CAMTA1: variants seen among roughly 807,000 people sequenced by gnomAD.
CAMTA1 encodes calmodulin binding transcription activator 1, also known as calmodulin-binding transcription activator 1.
CAMTA1 carries 27 observed loss-of-function variants against 170.9 expected under a neutral mutation model. That is an observed-to-expected ratio of 0.16 (90% CI 0.12 to 0.22). The LOEUF (loss-of-function observed/expected upper bound fraction) is 0.22. CAMTA1 is among the 10% of genes least tolerant of loss of function. CAMTA1 has a pLI of 1.00. For missense variants in CAMTA1, 1,619 were observed against 2,217.2 expected (o/e 0.73, Z 5.42); for synonymous variants, 833 against 891.5 (o/e 0.93, Z 1.17).
intron 6 of CAMTA1, among the ~76,000 whole-genome samples, chr1:7,523,758 C>A (rs1316811220): frequency 6.6e-6 from 1 of 152,034 alleles, no homozygotes; most frequent in Non-Finnish European, 1.5e-5. Flanking sequence ...TAGTGGGCAC[C>A]TGTAGTCCCA....
intron 3 of CAMTA1, among the ~76,000 whole-genome samples, chr1:6,979,222 A>G (rs1329585491): frequency 6.6e-6 from 1 of 152,098 alleles, no homozygotes; most frequent in Non-Finnish European, 1.5e-5. Context: ...GCCCCCTTGG[A>G]GGAAGTTTCC....
intron 6 of CAMTA1, among the ~76,000 whole-genome samples, chr1:7,509,456 C>A (rs1264438256): frequency 6.6e-6 from 1 of 152,160 alleles, no homozygotes; most frequent in Non-Finnish European, 1.5e-5. Context: ...ACCCAGCAGG[C>A]TTTATAGTCC....
At chr1:7,422,953 T>A (rs2091658893) in intron 5 of CAMTA1, among the ~76,000 whole-genome samples, 3 of 152,266 alleles carry the variant, frequency 2.0e-5, no homozygotes, top group African/African-American at 4.8e-5. Context: ...CAGGTTGCCC[T>A]GCAAGATGCA....
intron 5 of CAMTA1, among the ~76,000 whole-genome samples, chr1:7,362,681 G>A (rs1267658687): frequency 1.3e-5 from 2 of 151,954 alleles, no homozygotes; most frequent in East Asian, 1.9e-4. Flanking sequence ...TGGTGGACTC[G>A]AATAGAGTTG....
At chr1:6,938,476 C>T (rs1320218294) in intron 3 of CAMTA1, among the ~76,000 whole-genome samples, 1 of 152,124 alleles carries the variant, frequency 6.6e-6, no homozygotes, top group Non-Finnish European at 1.5e-5. Flanking sequence ...GGGGCCACGG[C>T]AGCAGGGGAG....
chr1:7,667,723 C>T (rs1013683943), intron 9 of CAMTA1, among the ~76,000 whole-genome samples: 5 of 152,190 alleles, frequency 3.3e-5, no homozygotes, highest in African/African-American at 1.2e-4. Flanking sequence ...ACGAGGGCGG[C>T]CCAGGAACAG....
chr1:7,169,869 C>A (rs1257352255), intron 4 of CAMTA1, among the ~76,000 whole-genome samples: 1 of 152,150 alleles, frequency 6.6e-6, no homozygotes, highest in Non-Finnish European at 1.5e-5. Context: ...TATATCCTCT[C>A]AATAATTTTT....
intron 6 of CAMTA1, among the ~76,000 whole-genome samples, chr1:7,485,507 G>T (rs7552815): frequency 0.029 from 4,410 of 152,284 alleles, 112 homozygotes; most frequent in African/African-American, 0.067. Context: ...GCAGTGCCGG[G>T]CTGAGAGCCA....
At chr1:7,097,403 G>T (rs1395903992) in intron 4 of CAMTA1, among the ~76,000 whole-genome samples, 1 of 152,204 alleles carries the variant, frequency 6.6e-6, no homozygotes, top group East Asian at 1.9e-4. Flanking sequence ...GTCCTAGACA[G>T]CCCTTGGGGT....
rs779206499 is a variant in CAMTA1, at chr1:7,668,388, A to AACACACAC, written c.2653-2486_2653-2479dup. Among the ~76,000 whole-genome samples the AACACACAC allele has an allele frequency of 6.2e-3, 629 of 101,394 alleles. 3 individuals carry two copies. Among genetic ancestry groups the AACACACAC allele is most frequent in the Middle Eastern group, 0.014 (3 of 208 alleles). 66.5% of individuals were successfully genotyped at this position (101,394 alleles called of 152,430 possible). ...TCACCTCCAGCTGCAGCTGGTCACC[A>AACACACAC]ACACACACACACACACACACACACA... is the stretch of plus-strand genomic sequence containing the variant. On this transcript the variant is annotated intron_variant, in intron 9 of 22. Coordinates refer to ENST00000303635, the MANE Select transcript of CAMTA1 (RefSeq NM_015215.4).
chr1:7,263,668 T>C (rs747405786), intron 5 of CAMTA1, among the ~76,000 whole-genome samples: 1 of 152,162 alleles, frequency 6.6e-6, no homozygotes, highest in Non-Finnish European at 1.5e-5. Flanking sequence ...CAGAGATCTA[T>C]GGGCTTTCAG....
intron 4 of CAMTA1, among the ~76,000 whole-genome samples, chr1:7,123,410 G>A (rs146312050): frequency 2.0e-5 from 3 of 152,234 alleles, no homozygotes; most frequent in East Asian, 1.9e-4. Context: ...TTGATCATCC[G>A]CGAAGACCCT....
At chr1:7,577,190 G>T (rs566177345) in intron 6 of CAMTA1, among the ~76,000 whole-genome samples, 1 of 152,330 alleles carries the variant, frequency 6.6e-6, no homozygotes, top group African/African-American at 2.4e-5. Context: ...GAGGCCTGGA[G>T]GAGACGTTCC....
intron 3 of CAMTA1, chr1:6,888,267 C>T (rs1303812100): frequency 6.1e-6 from 6 of 985,242 alleles, no homozygotes; most frequent in African/African-American, 3.5e-5. Flanking sequence ...TTATAAATAC[C>T]TTTTCCAATG....
At chr1:7,427,580 G>A (rs1255106727) in intron 5 of CAMTA1, among the ~76,000 whole-genome samples, 3 of 152,176 alleles carry the variant, frequency 2.0e-5, no homozygotes, top group African/African-American at 7.2e-5. Context: ...AGTGTCGAAG[G>A]TCAAATCCTT....
intron 4 of CAMTA1, among the ~76,000 whole-genome samples, chr1:7,107,169 C>G (rs1385843266): frequency 6.6e-6 from 1 of 152,062 alleles, no homozygotes; most frequent in Non-Finnish European, 1.5e-5. Flanking sequence ...AACATGGCCC[C>G]TGATCTAATT....
At position 7,413,339 on chromosome 1, in the gene CAMTA1, C is replaced by T. The variant is rs200027178; in HGVS notation, c.439-54491C>T. ...GGGATGGCATTGAATCTATAAATTA[C>T]CTTGGGCAGTATGGCCATTTTCACG... On this transcript the variant is annotated intron_variant, in intron 5 of 22. Coordinates refer to ENST00000303635, the MANE Select transcript of CAMTA1 (RefSeq NM_015215.4). Among the ~76,000 whole-genome samples the T allele has an allele frequency of 1.6e-3, 236 of 152,200 alleles. 5 individuals are homozygous for T. In the East Asian group the frequency reaches 0.038, roughly 25 times the overall value.
At chr1:6,893,533 A>G (rs1369861615) in intron 3 of CAMTA1, among the ~76,000 whole-genome samples, 2 of 152,232 alleles carry the variant, frequency 1.3e-5, no homozygotes, top group Admixed American at 6.5e-5. Flanking sequence ...GTAACCACTG[A>G]TCTGAGATCA....
intron 3 of CAMTA1, among the ~76,000 whole-genome samples, chr1:7,070,081 C>G (rs1050167797): frequency 6.6e-6 from 1 of 152,208 alleles, no homozygotes; most frequent in Non-Finnish European, 1.5e-5. Flanking sequence ...ACCCTTTGCT[C>G]TCTGGAGCAG....
Sources: gnomAD v4.1 joint callset for allele counts (sites outside exome capture counted in the v4.1 genomes callset) on GRCh38, gnomAD v4.1.1 for gene constraint, MANE v1.5 for transcripts, NCBI Gene and HGNC (gene_info 2026-07-23, HGNC 2026-07-21) for gene names.